The following GALNT13 variants were observed in gnomAD, a reference collection of about 807,000 sequenced individuals.
GALNT13 encodes the protein polypeptide N-acetylgalactosaminyltransferase 13.
GALNT13 carries 28 observed loss-of-function variants against 64.2 expected under a neutral mutation model. The ratio of observed to expected loss-of-function variants is 0.44; its 90% CI spans 0.32 to 0.60. The LOEUF is 0.60. GALNT13 is among the 20% of genes least tolerant of loss of function. GALNT13 has a pLI of 0.05. For missense variants in GALNT13, 577 were observed against 669.8 expected (o/e 0.86, Z 1.53); for synonymous variants, 214 against 224.6 (o/e 0.95, Z 0.42).
the GALNT13 span, among the ~76,000 whole-genome samples, chr2:153,451,841 G>A: frequency 2.6e-5 from 4 of 152,182 alleles, no homozygotes; most frequent in South Asian, 2.1e-4. Flanking sequence ...AGACACAGGT[G>A]ACTTGCTTTT....
chr2:153,521,713 A>G, the GALNT13 span, among the ~76,000 whole-genome samples: 77 of 151,136 alleles, frequency 5.1e-4, 1 homozygote, highest in South Asian at 7.1e-3. Flanking sequence ...CTCTCCCTCT[A>G]CTCCTGGCAA....
the GALNT13 span, among the ~76,000 whole-genome samples, chr2:153,584,258 G>A: frequency 6.6e-6 from 1 of 152,120 alleles, no homozygotes; most frequent in Non-Finnish European, 1.5e-5. Flanking sequence ...CATTATTGAG[G>A]GGGCTTGAGC....
At chr2:153,906,053 G>T (rs1688538169) in intron 2 of GALNT13, among the ~76,000 whole-genome samples, 1 of 151,770 alleles carries the variant, frequency 6.6e-6, no homozygotes, top group Non-Finnish European at 1.5e-5. Context: ...ATTATAAATT[G>T]TTTATTTCTG....
At chr2:153,257,025 G>T in the GALNT13 span, among the ~76,000 whole-genome samples, 17 of 152,236 alleles carry the variant, frequency 1.1e-4, no homozygotes, top group Non-Finnish European at 2.2e-4. Context: ...TCAAGTCTGG[G>T]CAATGGCGGG....
the GALNT13 span, among the ~76,000 whole-genome samples, chr2:153,574,504 A>G: frequency 2.6e-5 from 4 of 151,792 alleles, no homozygotes; most frequent in African/African-American, 9.7e-5. Context: ...TTCTGAGGCT[A>G]TTTTCTAGAT....
chr2:154,312,580 A>C (rs1354793425), intron 9 of GALNT13, among the ~76,000 whole-genome samples: 1 of 152,228 alleles, frequency 6.6e-6, no homozygotes, highest in Admixed American at 6.5e-5. Flanking sequence ...TTTGATCGAT[A>C]TACAAAAAGA....
At chr2:154,359,184 A>T (rs1334890691) in intron 9 of GALNT13, among the ~76,000 whole-genome samples, 21 of 152,050 alleles carry the variant, frequency 1.4e-4, no homozygotes, top group Admixed American at 1.4e-3. Context: ...GTGGCATCAG[A>T]GATTGGAGTC....
At chr2:153,252,298 G>A in the GALNT13 span, among the ~76,000 whole-genome samples, 4 of 97,678 alleles carry the variant, frequency 4.1e-5, no homozygotes, top group East Asian at 4.1e-4. Flanking sequence ...CATGTCCTTC[G>A]CCCACTTTTT....
At chr2:154,069,900 A>G (rs1215594023) in intron 3 of GALNT13, among the ~76,000 whole-genome samples, 16 of 152,160 alleles carry the variant, frequency 1.1e-4, no homozygotes, top group Non-Finnish European at 1.5e-5. Context: ...ATTTCAAGGC[A>G]CATGATGGAT....
the GALNT13 span, among the ~76,000 whole-genome samples, chr2:153,221,942 G>T: frequency 6.6e-6 from 1 of 152,172 alleles, no homozygotes; most frequent in Admixed American, 6.5e-5. Flanking sequence ...GTCTTGGGGA[G>T]CCCCTAGGTC....
chr2:153,546,694 C>A, the GALNT13 span, among the ~76,000 whole-genome samples: 1 of 152,158 alleles, frequency 6.6e-6, no homozygotes, highest in East Asian at 1.9e-4. Context: ...GCATTAGATG[C>A]AAAATACCTT....
chr2:154,102,080 A>C (rs1702376877), intron 3 of GALNT13, among the ~76,000 whole-genome samples: 1 of 152,160 alleles, frequency 6.6e-6, no homozygotes, highest in African/African-American at 2.4e-5. Flanking sequence ...CAATTTTGAA[A>C]ACTGTTACAC....
the GALNT13 span, chr2:153,446,713 T>C: frequency 2.1e-4 from 32 of 152,312 alleles, no homozygotes; most frequent in East Asian, 6.0e-3. Flanking sequence ...TTTTTGCCTA[T>C]AGGTGTATTT....
chr2:153,873,826 TTCTCTC>T (rs529681559), intron 1 of GALNT13, among the ~76,000 whole-genome samples: 4 of 151,596 alleles, frequency 2.6e-5, no homozygotes, highest in African/African-American at 7.3e-5. Context: ...CTCTCTCTCT[TTCTCTC>T]TCTCTCTTTT....
the GALNT13 span, among the ~76,000 whole-genome samples, chr2:153,089,282 A>G: frequency 1.8e-4 from 28 of 152,246 alleles, no homozygotes; most frequent in African/African-American, 5.3e-4. Context: ...ATTTTGTTTC[A>G]AGAGGCTAAA....
At chr2:154,211,508 AT>A (rs2105800936) in intron 4 of GALNT13, among the ~76,000 whole-genome samples, 1 of 151,738 alleles carries the variant, frequency 6.6e-6, no homozygotes, top group African/African-American at 2.4e-5. Flanking sequence ...CATGCCTGTA[AT>A]TCCAGCTACT....
chr2:153,702,461 TTAAA>T, the GALNT13 span, among the ~76,000 whole-genome samples: 1 of 151,832 alleles, frequency 6.6e-6, no homozygotes, highest in African/African-American at 2.4e-5. Flanking sequence ...ATCCCAGAAA[TTAAA>T]TAAAATAAAT....
the GALNT13 span, among the ~76,000 whole-genome samples, chr2:153,802,450 A>C: frequency 6.6e-6 from 1 of 152,148 alleles, no homozygotes; most frequent in Non-Finnish European, 1.5e-5. Context: ...GAATGATTTC[A>C]TTCTTTTCCA....
At chr2:154,017,432 G>A (rs1195650731) in intron 3 of GALNT13, among the ~76,000 whole-genome samples, 1 of 152,078 alleles carries the variant, frequency 6.6e-6, no homozygotes, top group Non-Finnish European at 1.5e-5. Flanking sequence ...TGGTTAATAT[G>A]ATATTAAAAT....
Sources: gnomAD v4.1 joint callset for allele counts (sites outside exome capture counted in the v4.1 genomes callset) on GRCh38, gnomAD v4.1.1 for gene constraint, MANE v1.5 for transcripts, NCBI Gene and HGNC (gene_info 2026-07-23, HGNC 2026-07-21) for gene names.